The following ATG10 variants were observed in gnomAD, a reference collection of about 807,000 sequenced individuals.
ATG10 encodes the protein autophagy related 10.
In ATG10, 30 loss-of-function variants were observed where a neutral mutation model predicts 32.1. That is an observed-to-expected ratio of 0.94 (90% CI 0.70 to 1.27). The LOEUF is 1.27. Among genes scored for constraint, ATG10 ranks in the 50% most tolerant of loss-of-function variants. The probability of loss-of-function intolerance (pLI) is 0.00; values close to 1 mark genes in which losing one functional copy is unlikely to be tolerated. For missense variants in ATG10, 233 were observed against 262.3 expected (o/e 0.89, Z 0.77); for synonymous variants, 87 against 91.5 (o/e 0.95, Z 0.28).
chr5:82,033,339 C>CT (rs531673501), intron 2 of ATG10, among the ~76,000 whole-genome samples: 2,840 of 138,414 alleles, frequency 0.021, 77 homozygotes, highest in African/African-American at 0.061. Flanking sequence ...TCTTCTTCTT[C>CT]TTTTTTTTTT....
intron 2 of ATG10, among the ~76,000 whole-genome samples, chr5:82,037,251 TTTTTTTTTTTTTTTG>T (rs1762956147): frequency 1.4e-5 from 1 of 70,312 alleles, no homozygotes; most frequent in Non-Finnish European, 3.0e-5. Context: ...TTTTTTTTTT[TTTTTTTTTTTTTTTG>T]AGACGGAGTC....
chr5:82,001,564 C>T (rs756117058), intron 2 of ATG10, among the ~76,000 whole-genome samples: 20 of 150,906 alleles, frequency 1.3e-4, no homozygotes, highest in Non-Finnish European at 2.7e-4. Flanking sequence ...ACTCCCTATT[C>T]AATAAATGAT....
chr5:82,076,129 T>C (rs1031522377), intron 3 of ATG10, among the ~76,000 whole-genome samples: 2 of 152,208 alleles, frequency 1.3e-5, no homozygotes, highest in South Asian at 4.1e-4. Context: ...TTCATTTTTT[T>C]CCTTACTGAT....
chr5:81,989,152 C>T (rs938763873), intron 2 of ATG10, among the ~76,000 whole-genome samples: 1 of 152,192 alleles, frequency 6.6e-6, no homozygotes, highest in African/African-American at 2.4e-5. Context: ...TTTTAGAGTT[C>T]CTTGAAATCC....
At chr5:82,155,663 A>G (rs1767772867) in intron 3 of ATG10, among the ~76,000 whole-genome samples, 1 of 152,218 alleles carries the variant, frequency 6.6e-6, no homozygotes, top group Admixed American at 6.5e-5. Flanking sequence ...AATATGGGGA[A>G]CAAATAAATT....
intron 5 of ATG10, among the ~76,000 whole-genome samples, chr5:82,200,324 A>G (rs1745015910): frequency 6.6e-6 from 1 of 152,078 alleles, no homozygotes; most frequent in African/African-American, 2.4e-5. Flanking sequence ...CTATAACAAT[A>G]TATGTGTAGT....
rs114871391 is a variant in ATG10, at chr5:82,047,027, A to T, written c.109-11468A>T. Among the ~76,000 whole-genome samples the T allele has an allele frequency of 3.6e-3, 548 of 152,044 alleles. 4 individuals are homozygous for T. The highest frequency in any genetic ancestry group is 0.021 in the Middle Eastern group (6 of 292). On this transcript the variant is annotated intron_variant, in intron 2 of 7. Transcript: ENST00000282185. ...TTATCTACAGTATTGGAAAAGCAAA[A>T]CTAAGCCTTTAAGAATAATTCAGTG...
intron 2 of ATG10, among the ~76,000 whole-genome samples, chr5:82,001,773 C>G (rs6876441): frequency 0.099 from 15,106 of 152,152 alleles, 1,080 homozygotes; most frequent in East Asian, 0.38. Context: ...GCAACAAAAA[C>G]AAAAATTGAC....
intron 2 of ATG10, among the ~76,000 whole-genome samples, chr5:82,057,335 AC>A (rs2149748683): frequency 6.6e-6 from 1 of 152,330 alleles, no homozygotes; most frequent in East Asian, 1.9e-4. Context: ...TTATTCTCTC[AC>A]AGTTCTGGAG....
chr5:82,169,865 C>T (rs976801669), intron 4 of ATG10, among the ~76,000 whole-genome samples: 1 of 152,082 alleles, frequency 6.6e-6, no homozygotes, highest in African/African-American at 2.4e-5. Context: ...CAGAGGAAAT[C>T]TAGTGAGAAT....
At chr5:81,985,826 G>T (rs898980131) in intron 1 of ATG10, among the ~76,000 whole-genome samples, 6 of 152,250 alleles carry the variant, frequency 3.9e-5, no homozygotes, top group Admixed American at 2.0e-4. Flanking sequence ...GCAGTGGCGC[G>T]ATCTCGGCTC....
intron 3 of ATG10, among the ~76,000 whole-genome samples, chr5:82,157,854 A>G (rs1181215664): frequency 6.6e-6 from 1 of 152,220 alleles, no homozygotes; most frequent in Non-Finnish European, 1.5e-5. Context: ...GGTTTGAACT[A>G]AAGACCTGAC....
At chr5:82,185,563 A>C (rs1190823327) in intron 5 of ATG10, among the ~76,000 whole-genome samples, 1 of 152,166 alleles carries the variant, frequency 6.6e-6, no homozygotes, top group Non-Finnish European at 1.5e-5. Context: ...ACATGCAAAA[A>C]CATGACAATT....
intron 3 of ATG10, among the ~76,000 whole-genome samples, chr5:82,130,895 T>C (rs1333396594): frequency 6.6e-6 from 1 of 152,116 alleles, no homozygotes; most frequent in African/African-American, 2.4e-5. Flanking sequence ...TAGAAAACAT[T>C]CACAGTCAAT....
chr5:82,116,804 C>G (rs145178426), intron 3 of ATG10, among the ~76,000 whole-genome samples: 1 of 152,166 alleles, frequency 6.6e-6, no homozygotes, highest in Non-Finnish European at 1.5e-5. Context: ...TGTGATATGG[C>G]TGGATACCAG....
intron 2 of ATG10, among the ~76,000 whole-genome samples, chr5:82,053,553 A>G (rs1197182001): frequency 6.6e-6 from 1 of 152,124 alleles, no homozygotes; most frequent in East Asian, 1.9e-4. Flanking sequence ...CTATATTTTC[A>G]TCTAGCATAT....
chr5:82,133,057 A>T (rs1044424338), intron 3 of ATG10, among the ~76,000 whole-genome samples: 1 of 152,046 alleles, frequency 6.6e-6, no homozygotes. Context: ...AGTGTCTGTT[A>T]ATATCCTTCA....
chr5:82,020,169 C>T (rs1762397743), intron 2 of ATG10, among the ~76,000 whole-genome samples: 1 of 152,206 alleles, frequency 6.6e-6, no homozygotes, highest in African/African-American at 2.4e-5. Context: ...GATGTCCCTC[C>T]TTCCAGTTTT....
intron 3 of ATG10, among the ~76,000 whole-genome samples, chr5:82,130,182 A>T (rs972990819): frequency 1.3e-5 from 2 of 152,156 alleles, no homozygotes; most frequent in African/African-American, 4.8e-5. Context: ...GTAATGGCAG[A>T]TGCCCCTGTC....
Sources: gnomAD v4.1 joint callset for allele counts (sites outside exome capture counted in the v4.1 genomes callset) on GRCh38, gnomAD v4.1.1 for gene constraint, MANE v1.5 for transcripts, NCBI Gene and HGNC (gene_info 2026-07-23, HGNC 2026-07-21) for gene names.